METTL16: variants seen among roughly 807,000 people sequenced by gnomAD.
METTL16 encodes RNA N(6)-adenosine-methyltransferase METTL16.
In METTL16, 19 loss-of-function variants were observed where a neutral mutation model predicts 57.9. That is an observed-to-expected ratio of 0.33 (90% confidence interval 0.23 to 0.48). The LOEUF (loss-of-function observed/expected upper bound fraction) is 0.48. METTL16 is among the 20% of genes least tolerant of loss of function. The pLI is 0.99. For synonymous variants in METTL16, 246 were observed against 255.6 expected (o/e 0.96, Z 0.36); for missense variants, 434 against 691.5 (o/e 0.63, Z 4.18).
chr17:2,490,440 A>T (rs555963653), intron 2 of METTL16, among the ~76,000 whole-genome samples: 1 of 152,312 alleles, frequency 6.6e-6, no homozygotes, highest in African/African-American at 2.4e-5. Context: ...CTACAACCAC[A>T]AAAATTCCTA....
intron 6 of METTL16, among the ~76,000 whole-genome samples, chr17:2,458,671 C>T (rs1429974231): frequency 2.6e-5 from 4 of 152,082 alleles, no homozygotes; most frequent in Non-Finnish European, 1.5e-5. Flanking sequence ...AAGATCACTC[C>T]ACCTCACTGC....
At chr17:2,472,726 A>G (rs890768276) in intron 4 of METTL16, among the ~76,000 whole-genome samples, 1 of 152,344 alleles carries the variant, frequency 6.6e-6, no homozygotes, top group East Asian at 1.9e-4. Flanking sequence ...AAATGTCACT[A>G]AGTGGAAGAA....
chr17:2,455,468 G>A (rs1000296066), intron 6 of METTL16, among the ~76,000 whole-genome samples: 4 of 152,054 alleles, frequency 2.6e-5, no homozygotes, highest in East Asian at 1.9e-4. Flanking sequence ...ACCAGCTAAC[G>A]CAGAACCAAG....
intron 4 of METTL16, among the ~76,000 whole-genome samples, chr17:2,469,364 T>C (rs1173316994): frequency 6.6e-6 from 1 of 152,168 alleles, no homozygotes; most frequent in Non-Finnish European, 1.5e-5. Context: ...AAAGATATGT[T>C]CAATACTATG....
At chr17:2,464,108 G>A in intron 6 of METTL16, 100 bp downstream of exon 6, 3 of 1,275,860 alleles carry the variant, frequency 2.4e-6, no homozygotes, top group Non-Finnish European at 2.2e-6. Flanking sequence ...GGCAACAAGA[G>A]CAAGACTCTG....
At chr17:2,449,509 A>G (rs952311560) in intron 6 of METTL16, among the ~76,000 whole-genome samples, 5 of 147,052 alleles carry the variant, frequency 3.4e-5, no homozygotes, top group African/African-American at 1.3e-4. Flanking sequence ...TGTCTGGCTT[A>G]AAACAATTTT....
chr17:2,451,405 G>A (rs936825614), intron 6 of METTL16, among the ~76,000 whole-genome samples: 1 of 152,066 alleles, frequency 6.6e-6, no homozygotes, highest in South Asian at 2.1e-4. Flanking sequence ...GATCACTTGG[G>A]GTCAGGAGTT....
At chr17:2,481,497 A>T (rs1383067105) in intron 2 of METTL16, among the ~76,000 whole-genome samples, 1 of 152,200 alleles carries the variant, frequency 6.6e-6, no homozygotes, top group Non-Finnish European at 1.5e-5. Flanking sequence ...CAATTAAACA[A>T]AATTCAGGAA....
chr17:2,444,112 A>G (rs2066975020), intron 6 of METTL16, among the ~76,000 whole-genome samples: 1 of 152,214 alleles, frequency 6.6e-6, no homozygotes, highest in East Asian at 1.9e-4. Flanking sequence ...GCCATGAGTC[A>G]CATAAGGACA....
intron 2 of METTL16, among the ~76,000 whole-genome samples, chr17:2,499,644 T>G (rs1175943215): frequency 6.6e-6 from 1 of 152,222 alleles, no homozygotes; most frequent in African/African-American, 2.4e-5. Flanking sequence ...AGAAAATACC[T>G]GAAGTCCTAT....
At chr17:2,430,216 G>A (rs372960749) in intron 8 of METTL16, among the ~76,000 whole-genome samples, 2 of 151,506 alleles carry the variant, frequency 1.3e-5, no homozygotes, top group East Asian at 1.9e-4. Context: ...GGGGTCAAGC[G>A]ATCTTCTCAT....
At chr17:2,450,317 T>A (rs1875683303) in intron 6 of METTL16, among the ~76,000 whole-genome samples, 1 of 152,226 alleles carries the variant, frequency 6.6e-6, no homozygotes, top group African/African-American at 2.4e-5. Flanking sequence ...ATCATGGATA[T>A]GCTGCTACGT....
chr17:2,430,277 TA>T (rs909668540), intron 8 of METTL16, among the ~76,000 whole-genome samples: 15 of 151,768 alleles, frequency 9.9e-5, no homozygotes, highest in Non-Finnish European at 1.9e-4. Flanking sequence ...CACTCCTGGC[TA>T]TTTTTTTTTT....
chr17:2,426,995 G>A (rs2066824780), intron 8 of METTL16, among the ~76,000 whole-genome samples: 1 of 141,576 alleles, frequency 7.1e-6, no homozygotes, highest in African/African-American at 2.6e-5. Context: ...AAAAAAAAAA[G>A]AGCCGGGCAT....
chr17:2,490,023 C>T (rs1018166430), intron 2 of METTL16, among the ~76,000 whole-genome samples: 4 of 151,952 alleles, frequency 2.6e-5, no homozygotes, highest in Admixed American at 6.6e-5. Context: ...CAATATATTA[C>T]GTTTGAAAAA....
At chr17:2,483,025 A>C (rs1276208901) in intron 2 of METTL16, among the ~76,000 whole-genome samples, 1 of 131,372 alleles carries the variant, frequency 7.6e-6, no homozygotes, top group African/African-American at 3.5e-5. Flanking sequence ...TATAGTGTTA[A>C]AAAAAAAAAG....
chr17:2,438,356 G>A (rs2066923184), intron 7 of METTL16, among the ~76,000 whole-genome samples, 158 bp from the exon 8 acceptor site: 2 of 152,078 alleles, frequency 1.3e-5, no homozygotes, highest in Admixed American at 1.3e-4. Flanking sequence ...AATAATGAAT[G>A]AATAAATCAT....
At chr17:2,456,052 C>CT (rs1290581465) in intron 6 of METTL16, among the ~76,000 whole-genome samples, 1 of 151,848 alleles carries the variant, frequency 6.6e-6, no homozygotes, top group Admixed American at 6.6e-5. Context: ...GCTGCTTATC[C>CT]TTCTTTTTCC....
intron 2 of METTL16, 115 bp downstream of exon 2, chr17:2,502,089 G>A: frequency 9.2e-7 from 1 of 1,081,376 alleles, no homozygotes; most frequent in Non-Finnish European, 1.3e-6. Flanking sequence ...ATTTGTCCAA[G>A]GTCGCATGGG....
Sources: gnomAD v4.1 joint callset for allele counts (sites outside exome capture counted in the v4.1 genomes callset) on GRCh38, gnomAD v4.1.1 for gene constraint, MANE v1.5 for transcripts, NCBI Gene and HGNC (gene_info 2026-07-23, HGNC 2026-07-21) for gene names.